The following HHAT variants were observed in gnomAD, a reference collection of about 807,000 sequenced individuals.
The protein encoded by HHAT is protein-cysteine N-palmitoyltransferase HHAT.
A neutral mutation model predicts 70.8 loss-of-function variants in HHAT; 47 were observed. That is an observed-to-expected ratio of 0.66 (90% confidence interval 0.53 to 0.85). The LOEUF is 0.85. Among genes scored for constraint, HHAT ranks in the 40% least tolerant of loss-of-function variants. The pLI is 0.00. For missense variants in HHAT, 609 were observed against 604.8 expected (o/e 1.01, Z -0.07); for synonymous variants, 228 against 247.6 (o/e 0.92, Z 0.74).
At chr1:210,469,701 C>T (rs1322944650) in intron 8 of HHAT, among the ~76,000 whole-genome samples, 1 of 152,092 alleles carries the variant, frequency 6.6e-6, no homozygotes, top group African/African-American at 2.4e-5. Context: ...CAGTGTCTCG[C>T]TCTGTCACCC....
intron 6 of HHAT, among the ~76,000 whole-genome samples, chr1:210,412,148 C>T (rs1372546741): frequency 1.3e-5 from 2 of 152,128 alleles, no homozygotes; most frequent in Non-Finnish European, 2.9e-5. Flanking sequence ...ATGAAGAATG[C>T]CCTCATGACC....
chr1:210,421,268 T>C (rs1339891278), intron 7 of HHAT, among the ~76,000 whole-genome samples: 1 of 152,144 alleles, frequency 6.6e-6, no homozygotes, highest in Non-Finnish European at 1.5e-5. Context: ...AACATCATGG[T>C]ACTGGCATAA....
chr1:210,651,617 A>G (rs1041475532), intron 11 of HHAT, among the ~76,000 whole-genome samples: 20 of 152,162 alleles, frequency 1.3e-4, no homozygotes, highest in African/African-American at 4.8e-4. Flanking sequence ...TGAGGTTGAG[A>G]GTGTCGGTAG....
At chr1:210,439,039 C>G (rs1219594107) in intron 7 of HHAT, among the ~76,000 whole-genome samples, 2 of 151,892 alleles carry the variant, frequency 1.3e-5, no homozygotes, top group African/African-American at 4.9e-5. Context: ...CTGTGGTCAT[C>G]ATGCACACGT....
At chr1:210,474,945 G>T (rs2094279896) in intron 8 of HHAT, among the ~76,000 whole-genome samples, 1 of 151,916 alleles carries the variant, frequency 6.6e-6, no homozygotes, top group Non-Finnish European at 1.5e-5. Flanking sequence ...CAACTTCCCA[G>T]GCTCAAGTGA....
chr1:210,637,426 C>T (rs1242416425), intron 11 of HHAT, among the ~76,000 whole-genome samples: 1 of 152,054 alleles, frequency 6.6e-6, no homozygotes, highest in African/African-American at 2.4e-5. Context: ...GTCATCAAAA[C>T]TAAAAACTTT....
chr1:210,501,215 TTAAA>T (rs1275127758), intron 8 of HHAT, among the ~76,000 whole-genome samples: 1 of 152,280 alleles, frequency 6.6e-6, no homozygotes, highest in Non-Finnish European at 1.5e-5. Context: ...AGTAGGCACT[TTAAA>T]TATTCATTAA....
At chr1:210,534,502 C>T (rs2095349727) in intron 9 of HHAT, among the ~76,000 whole-genome samples, 1 of 152,058 alleles carries the variant, frequency 6.6e-6, no homozygotes, top group Non-Finnish European at 1.5e-5. Flanking sequence ...ATCTGAAATG[C>T]TTGGGACTAG....
At chr1:210,364,177 T>C (rs192202189) in intron 3 of HHAT, among the ~76,000 whole-genome samples, 1 of 152,364 alleles carries the variant, frequency 6.6e-6, no homozygotes, top group East Asian at 1.9e-4. Context: ...AAAACTTAGA[T>C]GTAAATTGAA....
chr1:210,492,753 T>C (rs2094571356), intron 8 of HHAT, among the ~76,000 whole-genome samples: 1 of 152,120 alleles, frequency 6.6e-6, no homozygotes, highest in African/African-American at 2.4e-5. Context: ...ATAAGGAATA[T>C]AATTTTAATA....
intron 8 of HHAT, among the ~76,000 whole-genome samples, chr1:210,492,441 G>A (rs2094566715): frequency 6.6e-6 from 1 of 152,200 alleles, no homozygotes; most frequent in African/African-American, 2.4e-5. Flanking sequence ...ATGCATGAGT[G>A]GATGGTTAGA....
chr1:210,474,366 C>G (rs1357278479), intron 8 of HHAT, among the ~76,000 whole-genome samples: 1 of 152,212 alleles, frequency 6.6e-6, no homozygotes, highest in Non-Finnish European at 1.5e-5. Flanking sequence ...TCACGGCTCA[C>G]TGCAACCGCC....
chr1:210,490,124 C>T (rs928963404), intron 8 of HHAT, among the ~76,000 whole-genome samples: 6 of 152,160 alleles, frequency 3.9e-5, no homozygotes, highest in South Asian at 2.1e-4. Context: ...TCTGGATTAG[C>T]CCAAGTTTGG....
intron 8 of HHAT, among the ~76,000 whole-genome samples, chr1:210,511,864 A>G (rs926877314): frequency 3.0e-5 from 4 of 133,994 alleles, no homozygotes; most frequent in African/African-American, 1.1e-4. Flanking sequence ...ATCTCGGCTC[A>G]CTGAAAGCTC....
intron 3 of HHAT, among the ~76,000 whole-genome samples, chr1:210,369,018 C>G (rs868212182): frequency 1.3e-5 from 2 of 151,850 alleles, no homozygotes; most frequent in Middle Eastern, 3.4e-3. Flanking sequence ...GCGGAGGTTG[C>G]AGTGAGCCAA....
At chr1:210,475,775 T>C (rs947338615) in intron 8 of HHAT, among the ~76,000 whole-genome samples, 1 of 152,194 alleles carries the variant, frequency 6.6e-6, no homozygotes, top group African/African-American at 2.4e-5. Context: ...AAAATAAGTT[T>C]TGACTCATTA....
intron 2 of HHAT, among the ~76,000 whole-genome samples, chr1:210,360,400 T>C (rs1328363991): frequency 1.3e-5 from 2 of 151,828 alleles, no homozygotes; most frequent in East Asian, 3.9e-4. Flanking sequence ...AACTTCTGCC[T>C]CCTGGGTTCA....
At chr1:210,468,162 T>C (rs1361758586) in intron 8 of HHAT, among the ~76,000 whole-genome samples, 1 of 152,220 alleles carries the variant, frequency 6.6e-6, no homozygotes. Flanking sequence ...TGGGGTCTTA[T>C]GGACCTGAGA....
At chr1:210,564,269 T>G (rs1008413016) in intron 9 of HHAT, among the ~76,000 whole-genome samples, 1 of 152,138 alleles carries the variant, frequency 6.6e-6, no homozygotes, top group Admixed American at 6.5e-5. Flanking sequence ...GGCTTCACTA[T>G]ATTGTTAATG....
Sources: allele counts gnomAD v4.1 joint callset (sites outside exome capture counted in the v4.1 genomes callset), GRCh38; gene constraint gnomAD v4.1.1; transcripts MANE v1.5; gene names NCBI Gene and HGNC (gene_info 2026-07-23, HGNC 2026-07-21).